Variants in JMY observed in about 807,000 individuals in gnomAD.
JMY encodes the protein junction-mediating and -regulatory protein.
Under a neutral mutation model 103.3 loss-of-function variants are expected in JMY, and 46 were observed. The ratio of observed to expected loss-of-function variants is 0.45; its 90% CI spans 0.35 to 0.57. The LOEUF (loss-of-function observed/expected upper bound fraction) is 0.57. JMY is among the 20% of genes least tolerant of loss of function. JMY has a pLI of 0.00. For missense variants in JMY, 1,238 were observed against 1,255.2 expected (o/e 0.99, Z 0.21); for synonymous variants, 526 against 489.3 (o/e 1.07, Z -0.99).
At chr5:79,257,954 G>A (rs951991707) in intron 1 of JMY, among the ~76,000 whole-genome samples, 1 of 151,976 alleles carries the variant, frequency 6.6e-6, no homozygotes, top group Non-Finnish European at 1.5e-5. Flanking sequence ...GTAGAGACAG[G>A]GTTTCACCAT....
intron 1 of JMY, among the ~76,000 whole-genome samples, chr5:79,257,921 C>T (rs996005377): frequency 6.6e-6 from 1 of 152,116 alleles, no homozygotes; most frequent in Non-Finnish European, 1.5e-5. Context: ...CACCCCAACA[C>T]CTGGCTAATT....
chr5:79,264,179 G>A (rs775127812), intron 1 of JMY, among the ~76,000 whole-genome samples: 31 of 151,856 alleles, frequency 2.0e-4, no homozygotes, highest in African/African-American at 3.4e-4. Context: ...TGGCCCTCCC[G>A]GGCTCAGGTG....
chr5:79,310,253 G>A (rs376642843), intron 7 of JMY, among the ~76,000 whole-genome samples: 3 of 151,728 alleles, frequency 2.0e-5, no homozygotes, highest in African/African-American at 7.2e-5. Context: ...AGTAGATGGG[G>A]TTTCACCATG....
rs1264905701 is a variant in JMY at position 79,314,855 on chromosome 5, C to T, written c.2659+4C>T. 19 of 1,541,670 alleles carry T rather than the reference C, an allele frequency of 1.2e-5. No homozygotes were observed. Among genetic ancestry groups the T allele is most frequent in the Middle Eastern group, 1.8e-4 (1 of 5,698 alleles). ...GAAGGTTTGCAGAGGAGGAGAGGTA[C>T]GTCAACATATTTTCATGGTCCATCT... On this transcript the variant is annotated splice_donor_region_variant and intron_variant, in intron 9 of 10. Transcript: ENST00000396137.
intron 2 of JMY, among the ~76,000 whole-genome samples, chr5:79,283,453 A>T (rs1242281625): frequency 6.6e-6 from 1 of 152,198 alleles, no homozygotes; most frequent in East Asian, 1.9e-4. Flanking sequence ...CCAAATGTAT[A>T]ATGTATTTAT....
intron 2 of JMY, among the ~76,000 whole-genome samples, chr5:79,286,228 T>A (rs1322405636): frequency 6.6e-6 from 1 of 152,188 alleles, no homozygotes; most frequent in Non-Finnish European, 1.5e-5. Flanking sequence ...AGAAAGCATG[T>A]TTATGTTCTT....
intron 6 of JMY, among the ~76,000 whole-genome samples, chr5:79,302,096 A>AC (rs1051268197): frequency 6.6e-6 from 1 of 151,828 alleles, no homozygotes; most frequent in African/African-American, 2.4e-5. Flanking sequence ...AAAAAAAAAA[A>AC]AAAAAACATT....
At chr5:79,249,603 C>T (rs1225903378) in intron 1 of JMY, among the ~76,000 whole-genome samples, 1 of 152,194 alleles carries the variant, frequency 6.6e-6, no homozygotes. Context: ...AATGGAGGAA[C>T]AGGTATTTAT....
chr5:79,265,519 T>A (rs1745559511), intron 1 of JMY, among the ~76,000 whole-genome samples: 1 of 151,982 alleles, frequency 6.6e-6, no homozygotes, highest in East Asian at 1.9e-4. Flanking sequence ...GACCATACTT[T>A]GAGTAGCAAG....
chr5:79,293,483 C>T (rs549624810), intron 4 of JMY, among the ~76,000 whole-genome samples: 1 of 151,664 alleles, frequency 6.6e-6, no homozygotes, highest in Admixed American at 6.6e-5. Flanking sequence ...TTCTCTAACT[C>T]ATGGCCTCAA....
intron 1 of JMY, 74 bp downstream of exon 1, chr5:79,237,756 T>C: frequency 7.2e-7 from 1 of 1,390,518 alleles, no homozygotes; most frequent in South Asian, 1.4e-5. Flanking sequence ...GGCTGGAGCC[T>C]CGGTGTCGGG....
At chr5:79,279,179 C>A (rs1210350186) in intron 2 of JMY, among the ~76,000 whole-genome samples, 2 of 151,970 alleles carry the variant, frequency 1.3e-5, no homozygotes, top group Non-Finnish European at 2.9e-5. Context: ...ACTAAAAATA[C>A]AAAAATTAGC....
intron 7 of JMY, among the ~76,000 whole-genome samples, chr5:79,307,674 G>A (rs906361064): frequency 1.3e-5 from 2 of 152,162 alleles, no homozygotes; most frequent in African/African-American, 4.8e-5. Context: ...TACAGAGAGC[G>A]AAAGAGCGCA....
chr5:79,291,073 A>G, intron 3 of JMY, 57 bp from the exon 4 acceptor site: 1 of 1,206,320 alleles, frequency 8.3e-7, no homozygotes, highest in Admixed American at 2.8e-5. Context: ...TCTTTTTCAA[A>G]TGCTTCAGTA....
Position 79,291,245 on chromosome 5 carries a change from G to C in JMY, c.1473G>C (p.Met491Ile). 1 of 1,613,102 alleles carries C rather than the reference G, an allele frequency of 6.2e-7. No individual in the cohort carries two copies. Among genetic ancestry groups the C allele is most frequent in the Non-Finnish European group, 8.5e-7 (1 of 1,179,658 alleles). The part of the protein sequence containing the change: ...QYAVSKETLQ[M>I]MRAKEICLEQ... ...CAGTTTCTAAGGAAACTTTGCAGATGATGAGAGCTAAAGAGATATGCTTGG... is the reference window on the plus strand; with the variant it reads ...CAGTTTCTAAGGAAACTTTGCAGATCATGAGAGCTAAAGAGATATGCTTGG... Residue 491 changes from methionine (M) to isoleucine (I), a missense_variant, in exon 4 of 11, where the codon ATG becomes ATC. Met to Ile is a conservative substitution (Grantham distance 10). Coordinates refer to ENST00000396137, the MANE Select transcript of JMY (RefSeq NM_152405.5).
Position 79,236,554 on chromosome 5 carries a change from C to T in JMY, c.-97C>T, listed in dbSNP as rs1744501370. On this transcript the variant is annotated 5_prime_UTR_variant, in exon 1 of 11. Coordinates refer to ENST00000396137, the MANE Select transcript of JMY (RefSeq NM_152405.5). ...GGCGCACTAAGATGGCTGAAGGCGC[C>T]CGGCGAGGGTGAGCGGGGGGCGCGG... 1 of 1,038,802 alleles carries T rather than the reference C, an allele frequency of 9.6e-7. No individual in the cohort carries two copies. Among genetic ancestry groups the T allele is most frequent in the Non-Finnish European group, 1.3e-6 (1 of 793,294 alleles). 64.3% of individuals were successfully genotyped at this position (1,038,802 alleles called of 1,614,324 possible).
At position 79,249,495 on chromosome 5, in the gene JMY, G is replaced by A. The variant is rs376669855; in HGVS notation, c.1032+11813G>A. The stretch of plus-strand genomic sequence containing the variant: ...GGCTCCCTGTATAGCCTTGGAGTTG[G>A]CTCTTGAGCAGGTTTTACTCTGCAT... On this transcript the variant is annotated intron_variant, in intron 1 of 10. Transcript: ENST00000396137. Among the ~76,000 whole-genome samples the A allele has an allele frequency of 1.3e-4, 20 of 152,292 alleles. 1 individual carries two copies. Among genetic ancestry groups the A allele is most frequent in the Admixed American group, 5.9e-4 (9 of 15,292 alleles).
chr5:79,291,924 G>C (rs74837702), intron 4 of JMY, among the ~76,000 whole-genome samples: 265 of 152,268 alleles, frequency 1.7e-3, no homozygotes, highest in African/African-American at 5.4e-3. Flanking sequence ...CTCTGCTTTA[G>C]TTATAAGAAT....
chr5:79,298,853 A>G (rs931696892), intron 4 of JMY, among the ~76,000 whole-genome samples: 2 of 152,140 alleles, frequency 1.3e-5, no homozygotes, highest in Non-Finnish European at 2.9e-5. Context: ...GTGTAGATAT[A>G]TAGACTGTAA....
Sources: gnomAD v4.1 joint callset for allele counts (sites outside exome capture counted in the v4.1 genomes callset) on GRCh38, gnomAD v4.1.1 for gene constraint, MANE v1.5 for transcripts, NCBI Gene and HGNC (gene_info 2026-07-23, HGNC 2026-07-21) for gene names.